The following AGMO variants were observed in gnomAD, a reference collection of about 807,000 sequenced individuals.
AGMO encodes alkylglycerol monooxygenase, also known as glyceryl-ether monooxygenase.
Under a neutral mutation model 60.2 loss-of-function variants are expected in AGMO, and 75 were observed. The observed-to-expected ratio is 1.25, with a 90% CI of 1.03 to 1.51. AGMO has a LOEUF of 1.51. AGMO is among the 40% of genes most tolerant of loss of function. The pLI, the probability that AGMO is intolerant of heterozygous loss-of-function variation, is 0.00. For missense variants in AGMO, 763 were observed against 525.5 expected (o/e 1.45, Z -4.42); for synonymous variants, 261 against 177.1 (o/e 1.47, Z -3.76).
intron 3 of AGMO, among the ~76,000 whole-genome samples, chr7:15,457,841 T>C (rs1012460394): frequency 6.6e-6 from 1 of 152,142 alleles, no homozygotes. Flanking sequence ...AATTCATAAA[T>C]CACATCTTTT....
chr7:15,334,086 C>G (rs1222254281), intron 12 of AGMO, among the ~76,000 whole-genome samples: 1 of 152,014 alleles, frequency 6.6e-6, no homozygotes, highest in East Asian at 1.9e-4. Flanking sequence ...AGTAGTTTTA[C>G]AAGTGCCTAT....
chr7:15,241,529 T>C (rs1368144660), intron 12 of AGMO, among the ~76,000 whole-genome samples: 1 of 132,168 alleles, frequency 7.6e-6, no homozygotes, highest in African/African-American at 2.9e-5. Context: ...TAGGAAATAA[T>C]GATCACCATG....
At chr7:15,235,668 G>T (rs1422896547) in intron 12 of AGMO, among the ~76,000 whole-genome samples, 1 of 152,128 alleles carries the variant, frequency 6.6e-6, no homozygotes, top group Non-Finnish European at 1.5e-5. Context: ...AGAAAATAGA[G>T]ATAGGGATTG....
intron 3 of AGMO, among the ~76,000 whole-genome samples, chr7:15,467,049 C>T (rs1262482698): frequency 6.6e-6 from 1 of 151,994 alleles, no homozygotes; most frequent in African/African-American, 2.4e-5. Flanking sequence ...CAATAATATC[C>T]TAAATTATGG....
At chr7:15,218,967 G>T in intron 12 of AGMO, among the ~76,000 whole-genome samples, 1 of 152,168 alleles carries the variant, frequency 6.6e-6, no homozygotes, top group South Asian at 2.1e-4. Flanking sequence ...CATAATAAAA[G>T]TTAAAATATG....
chr7:15,337,295 G>A (rs774393115), intron 12 of AGMO, among the ~76,000 whole-genome samples: 2 of 152,122 alleles, frequency 1.3e-5, no homozygotes, highest in African/African-American at 4.8e-5. Context: ...CTTAAGCCAA[G>A]AATTACTTTT....
chr7:15,125,714 A>T, the AGMO span, among the ~76,000 whole-genome samples: 1 of 152,078 alleles, frequency 6.6e-6, no homozygotes, highest in Non-Finnish European at 1.5e-5. Flanking sequence ...AAGAAAGAAG[A>T]TTCAACAATA....
intron 10 of AGMO, among the ~76,000 whole-genome samples, chr7:15,371,266 T>C (rs4403318): frequency 0.59 from 89,173 of 151,930 alleles, 27,262 homozygotes; most frequent in African/African-American, 0.77. Flanking sequence ...ATCACTCAGG[T>C]TTGTAGTGTA....
chr7:15,240,575 T>A (rs1400597014), intron 12 of AGMO, among the ~76,000 whole-genome samples: 2 of 152,220 alleles, frequency 1.3e-5, no homozygotes, highest in Non-Finnish European at 2.9e-5. Context: ...AACTTAGTCT[T>A]TCTTAAGGTT....
At chr7:15,523,060 G>A (rs184352648) in intron 3 of AGMO, among the ~76,000 whole-genome samples, 1 of 152,276 alleles carries the variant, frequency 6.6e-6, no homozygotes, top group African/African-American at 2.4e-5. Context: ...CGCTAAAGAA[G>A]ACATTTATGC....
At chr7:15,255,534 CAAAAA>C (rs60035165) in intron 12 of AGMO, among the ~76,000 whole-genome samples, 3 of 115,830 alleles carry the variant, frequency 2.6e-5, no homozygotes, top group Non-Finnish European at 5.4e-5. Context: ...TGTAAGAATA[CAAAAA>C]AAAAAAAAAA....
At chr7:15,119,231 T>C in the AGMO span, among the ~76,000 whole-genome samples, 1 of 151,822 alleles carries the variant, frequency 6.6e-6, no homozygotes. Context: ...GCTCTGGCCA[T>C]GTGAAGTGCC....
intron 10 of AGMO, among the ~76,000 whole-genome samples, chr7:15,376,040 G>A (rs1295786875): frequency 6.6e-6 from 1 of 152,030 alleles, no homozygotes; most frequent in Non-Finnish European, 1.5e-5. Flanking sequence ...ATGTATTTAG[G>A]AAAATACAAT....
chr7:15,189,726 T>G, the AGMO span, among the ~76,000 whole-genome samples: 1 of 152,158 alleles, frequency 6.6e-6, no homozygotes, highest in African/African-American at 2.4e-5. Context: ...AGTTTTAGAT[T>G]TGATCTTGTC....
intron 10 of AGMO, among the ~76,000 whole-genome samples, chr7:15,369,382 T>C (rs1158700434): frequency 6.6e-6 from 1 of 152,068 alleles, no homozygotes; most frequent in East Asian, 1.9e-4. Context: ...CTAGCCCAAA[T>C]ACGCCATACC....
intron 12 of AGMO, among the ~76,000 whole-genome samples, chr7:15,288,368 G>A (rs774548843): frequency 2.0e-5 from 3 of 152,126 alleles, no homozygotes; most frequent in Non-Finnish European, 4.4e-5. Flanking sequence ...TACTTAGCCA[G>A]GGTTTTATGG....
At chr7:15,341,427 A>G (rs896770443) in intron 12 of AGMO, among the ~76,000 whole-genome samples, 3 of 152,166 alleles carry the variant, frequency 2.0e-5, no homozygotes, top group Admixed American at 6.5e-5. Flanking sequence ...GTTCCCAAGA[A>G]GTTCCTCATC....
At chr7:15,168,873 T>G in the AGMO span, among the ~76,000 whole-genome samples, 3 of 152,210 alleles carry the variant, frequency 2.0e-5, no homozygotes, top group Non-Finnish European at 2.9e-5. Flanking sequence ...AAATTCCTAG[T>G]GCCACTCTCA....
intron 12 of AGMO, among the ~76,000 whole-genome samples, chr7:15,207,962 A>T (rs1781484342): frequency 6.6e-6 from 1 of 152,172 alleles, no homozygotes; most frequent in Admixed American, 6.6e-5. Context: ...AAAATAAGGA[A>T]ATAAATAAAG....
Sources: allele counts gnomAD v4.1 joint callset (sites outside exome capture counted in the v4.1 genomes callset), GRCh38; gene constraint gnomAD v4.1.1; transcripts MANE v1.5; gene names NCBI Gene and HGNC (gene_info 2026-07-23, HGNC 2026-07-21).